Variants in TPRG1 observed in about 807,000 individuals in gnomAD.
The protein encoded by TPRG1 is tumor protein p63 regulated 1.
TPRG1 carries 29 observed loss-of-function variants against 29.3 expected under a neutral mutation model. The ratio of observed to expected loss-of-function variants is 0.99; its 90% CI spans 0.74 to 1.35. The LOEUF (loss-of-function observed/expected upper bound fraction) is 1.35. TPRG1 is among the 40% of genes most tolerant of loss of function. The pLI is 0.00. For missense variants in TPRG1, 327 were observed against 335.0 expected, an observed-to-expected ratio of 0.98 and a Z score of 0.19; for synonymous variants, 130 against 116.8, an observed-to-expected ratio of 1.11 and a Z score of -0.73.
chr3:189,286,755 G>T (rs993004974), intron 4 of TPRG1, among the ~76,000 whole-genome samples: 1 of 152,090 alleles, frequency 6.6e-6, no homozygotes, highest in African/African-American at 2.4e-5. Flanking sequence ...ACACAGGAAA[G>T]TTCAGACATA....
chr3:189,151,136 A>C (rs1435299793), intron 5 of TPRG1: 1 of 152,174 alleles, frequency 6.6e-6, no homozygotes, highest in Non-Finnish European at 1.5e-5. Flanking sequence ...GCTGGCTCTC[A>C]TTTTCTTCCA....
At chr3:189,288,005 T>C (rs1227611682) in intron 4 of TPRG1, among the ~76,000 whole-genome samples, 2 of 151,682 alleles carry the variant, frequency 1.3e-5, no homozygotes, top group Non-Finnish European at 2.9e-5. Flanking sequence ...AAATTTAAAT[T>C]TAAAAAATTT....
chr3:189,151,823 G>A (rs1245659214), intron 5 of TPRG1, among the ~76,000 whole-genome samples: 1 of 152,114 alleles, frequency 6.6e-6, no homozygotes, highest in Non-Finnish European at 1.5e-5. Context: ...AGAGGTTGCA[G>A]TGAGCCAAGA....
chr3:189,222,417 T>G (rs1562762), intron 3 of TPRG1, among the ~76,000 whole-genome samples: 26,503 of 152,148 alleles, frequency 0.17, 3,050 homozygotes, highest in African/African-American at 0.33. Context: ...CTATGGAAAC[T>G]ACCATTTCGA....
intron 4 of TPRG1, among the ~76,000 whole-genome samples, chr3:189,026,889 G>T (rs147760252): frequency 2.0e-5 from 3 of 152,280 alleles, no homozygotes; most frequent in East Asian, 1.9e-4. Flanking sequence ...TGTTTGTTGA[G>T]AGCATTGACT....
intron 4 of TPRG1, among the ~76,000 whole-genome samples, chr3:189,028,464 G>T (rs1352891558): frequency 6.6e-6 from 1 of 152,168 alleles, no homozygotes; most frequent in African/African-American, 2.4e-5. Flanking sequence ...GTGTTCCTTG[G>T]TAGTAAGTGG....
At chr3:189,225,229 C>T (rs1158209661) in intron 3 of TPRG1, among the ~76,000 whole-genome samples, 2 of 152,234 alleles carry the variant, frequency 1.3e-5, no homozygotes, top group Non-Finnish European at 2.9e-5. Context: ...TCACGCCCTG[C>T]CGTCTCTTCC....
chr3:189,151,558 G>C (rs1190124493), intron 5 of TPRG1, among the ~76,000 whole-genome samples: 2 of 152,048 alleles, frequency 1.3e-5, no homozygotes, highest in East Asian at 3.9e-4. Context: ...TAAGCACAAA[G>C]TAATACCTTA....
chr3:189,168,761 A>G (rs1259436498), upstream of TPRG1, among the ~76,000 whole-genome samples: 1 of 152,200 alleles, frequency 6.6e-6, no homozygotes, highest in Non-Finnish European at 1.5e-5. Flanking sequence ...GACTCCTGGG[A>G]CAAGGGGTGT....
intron 1 of TPRG1, among the ~76,000 whole-genome samples, chr3:189,172,821 A>G (rs949521137): frequency 2.0e-4 from 31 of 152,322 alleles, no homozygotes; most frequent in African/African-American, 7.2e-4. Context: ...GACATCCTCC[A>G]GATCTCTGTA....
intron 3 of TPRG1, among the ~76,000 whole-genome samples, chr3:189,226,055 GTTTGAGAC>G (rs1737673185): frequency 6.6e-6 from 1 of 152,160 alleles, no homozygotes; most frequent in Non-Finnish European, 1.5e-5. Flanking sequence ...CATAATTATA[GTTTGAGAC>G]TTCAACAGTC....
rs573045453 is a variant in TPRG1, at chr3:189,252,155, C to T, written c.479+13246C>T. Among the ~76,000 whole-genome samples the T allele has an allele frequency of 6.0e-4, 92 of 152,296 alleles. 1 individual carries two copies. Among genetic ancestry groups the T allele is most frequent in the African/African-American group, 2.2e-3 (91 of 41,554 alleles). ...AAGCACATCTTGCACCGCCCTTAAT[C>T]CATTTAACCCTGAGTGGACACAGCA... is the stretch of plus-strand genomic sequence containing the variant. On this transcript the variant is annotated intron_variant, in intron 4 of 5. Transcript: ENST00000345063.
At chr3:189,190,737 TAAA>T (rs1213702165) in intron 1 of TPRG1, among the ~76,000 whole-genome samples, 1 of 152,186 alleles carries the variant, frequency 6.6e-6, no homozygotes, top group Non-Finnish European at 1.5e-5. Context: ...TTTTTATAGA[TAAA>T]GAAGTTGAGA....
chr3:189,306,275 T>C (rs1396878585), intron 4 of TPRG1, among the ~76,000 whole-genome samples: 1 of 152,212 alleles, frequency 6.6e-6, no homozygotes, highest in Non-Finnish European at 1.5e-5. Context: ...GTTAGGCTTA[T>C]TCAGACTGAA....
chr3:189,034,531 A>G (rs1714136598), intron 4 of TPRG1, among the ~76,000 whole-genome samples: 1 of 152,220 alleles, frequency 6.6e-6, no homozygotes, highest in African/African-American at 2.4e-5. Flanking sequence ...TTTTAAATAC[A>G]TAAAGCAAGA....
chr3:189,226,416 A>G (rs1025233978), intron 3 of TPRG1, among the ~76,000 whole-genome samples: 2 of 152,212 alleles, frequency 1.3e-5, no homozygotes, highest in African/African-American at 4.8e-5. Flanking sequence ...ATACTTCTAA[A>G]TAATTCAGTG....
At chr3:189,293,399 G>C (rs746261307) in intron 4 of TPRG1, among the ~76,000 whole-genome samples, 2 of 152,112 alleles carry the variant, frequency 1.3e-5, no homozygotes, top group Non-Finnish European at 2.9e-5. Context: ...TCCTGATCTG[G>C]GACCTGGATA....
At chr3:189,258,903 G>A (rs1429745707) in intron 4 of TPRG1, among the ~76,000 whole-genome samples, 3 of 152,174 alleles carry the variant, frequency 2.0e-5, no homozygotes, top group Admixed American at 6.5e-5. Flanking sequence ...TGTTGGCAGC[G>A]AGAATTTCAA....
chr3:189,191,048 T>A, intron 1 of TPRG1: 1 of 894,728 alleles, frequency 1.1e-6, no homozygotes, highest in Non-Finnish European at 1.3e-6. Flanking sequence ...GGTCATTGCT[T>A]ATTCAGTAGT....
Sources: gnomAD v4.1 joint callset for allele counts (sites outside exome capture counted in the v4.1 genomes callset) on GRCh38, gnomAD v4.1.1 for gene constraint, MANE v1.5 for transcripts, NCBI Gene and HGNC (gene_info 2026-07-23, HGNC 2026-07-21) for gene names.